Variants in LHFPL3 observed in about 807,000 individuals in gnomAD.
LHFPL3 encodes LHFPL tetraspan subfamily member 3.
Under a neutral mutation model 19.3 loss-of-function variants are expected in LHFPL3, and 5 were observed. The observed-to-expected ratio is 0.26, with a 90% CI of 0.14 to 0.54. The LOEUF (loss-of-function observed/expected upper bound fraction) is 0.54. LHFPL3 is among the 20% of genes least tolerant of loss of function. The pLI is 0.94. For missense variants in LHFPL3, 249 were observed against 307.4 expected, an observed-to-expected ratio of 0.81 and a Z score of 1.42; for synonymous variants, 133 against 126.2, an observed-to-expected ratio of 1.05 and a Z score of -0.36.
At chr7:104,691,513 C>A (rs1440600921) in intron 1 of LHFPL3, among the ~76,000 whole-genome samples, 1 of 152,222 alleles carries the variant, frequency 6.6e-6, no homozygotes, top group Admixed American at 6.5e-5. Context: ...GGGAAATCTT[C>A]CCAGTGGGCA....
At chr7:104,468,894 C>T (rs1170024526) in intron 1 of LHFPL3, among the ~76,000 whole-genome samples, 2 of 152,054 alleles carry the variant, frequency 1.3e-5, no homozygotes, top group Non-Finnish European at 2.9e-5. Flanking sequence ...CTCCTGACCT[C>T]ATGATCCGCC....
At chr7:104,762,408 G>A (rs1794389219) in intron 2 of LHFPL3, among the ~76,000 whole-genome samples, 2 of 152,184 alleles carry the variant, frequency 1.3e-5, no homozygotes, top group South Asian at 2.1e-4. Context: ...AGATAGCTGT[G>A]CAGGCAGGCA....
At chr7:104,476,343 G>T (rs1169313376) in intron 1 of LHFPL3, among the ~76,000 whole-genome samples, 2 of 152,124 alleles carry the variant, frequency 1.3e-5, no homozygotes, top group African/African-American at 4.8e-5. Context: ...CTTGACTGTT[G>T]TTGCCTCTTC....
chr7:104,577,497 T>G (rs898405016), intron 1 of LHFPL3, among the ~76,000 whole-genome samples: 1 of 152,166 alleles, frequency 6.6e-6, no homozygotes, highest in African/African-American at 2.4e-5. Context: ...TATATATATG[T>G]GTGTACAAGT....
chr7:104,328,721 T>A lies in LHFPL3; in HGVS notation c.-59T>A, dbSNP rs1375144904. 6 of 1,458,924 alleles carry A rather than the reference T, an allele frequency of 4.1e-6. No homozygotes were observed. Among genetic ancestry groups the A allele is most frequent in the Non-Finnish European group, 5.6e-6 (6 of 1,080,988 alleles). The allele number at this position is 1,458,924 out of a possible 1,614,324, so 90.4% of individuals were successfully genotyped here. ...CTCCGTGAGTGTGTCTCCTGCGCGC[T>A]GAGAGGCGGGGGGAGGCGGAGGACC... On this transcript the variant is annotated 5_prime_UTR_variant, in exon 1 of 3. Transcript: ENST00000424859. The surrounding 1 kb of genome is among the most constrained non-coding windows in gnomAD (Gnocchi z 4.6).
intron 1 of LHFPL3, among the ~76,000 whole-genome samples, chr7:104,640,949 G>A (rs762349123): frequency 1.3e-5 from 2 of 152,164 alleles, no homozygotes; most frequent in African/African-American, 2.4e-5. Context: ...ATTTTGAAAC[G>A]TATTACATGA....
chr7:104,536,069 G>A (rs989566372), intron 1 of LHFPL3, among the ~76,000 whole-genome samples: 2 of 152,208 alleles, frequency 1.3e-5, no homozygotes, highest in Non-Finnish European at 2.9e-5. Context: ...ACCTGCATCT[G>A]TAGCTGTAGC....
chr7:104,410,563 G>C (rs1022100126), intron 1 of LHFPL3, among the ~76,000 whole-genome samples: 6 of 152,170 alleles, frequency 3.9e-5, no homozygotes, highest in Non-Finnish European at 7.3e-5. Context: ...GTGTCTGTTA[G>C]TGATTAAAGG....
chr7:104,659,346 A>G (rs1409685124), intron 1 of LHFPL3, among the ~76,000 whole-genome samples: 1 of 152,206 alleles, frequency 6.6e-6, no homozygotes. Context: ...CCTGGAATTT[A>G]GGAGGTTCCT....
At chr7:104,463,946 G>A (rs1363146293) in intron 1 of LHFPL3, among the ~76,000 whole-genome samples, 2 of 152,102 alleles carry the variant, frequency 1.3e-5, no homozygotes, top group Non-Finnish European at 2.9e-5. Context: ...ACTCATTCCA[G>A]CATTAACTCA....
intron 1 of LHFPL3, among the ~76,000 whole-genome samples, chr7:104,359,501 C>G (rs570884211): frequency 6.6e-6 from 1 of 152,306 alleles, no homozygotes; most frequent in South Asian, 2.1e-4. Context: ...TGTAAAAAAA[C>G]TAAGTTTAAT....
intron 1 of LHFPL3, among the ~76,000 whole-genome samples, chr7:104,397,727 A>G (rs982233915): frequency 1.3e-5 from 2 of 152,232 alleles, no homozygotes; most frequent in Non-Finnish European, 2.9e-5. Context: ...AGGCAGAAGG[A>G]AGGGGTGTGA....
chr7:104,827,796 TG>T (rs1186214528), intron 2 of LHFPL3, among the ~76,000 whole-genome samples: 2 of 151,900 alleles, frequency 1.3e-5, no homozygotes, highest in African/African-American at 4.9e-5. Context: ...TGGAGATGCT[TG>T]GTTCATCTCA....
At chr7:104,547,986 A>C (rs1470775315) in intron 1 of LHFPL3, among the ~76,000 whole-genome samples, 1 of 152,190 alleles carries the variant, frequency 6.6e-6, no homozygotes, top group Non-Finnish European at 1.5e-5. Flanking sequence ...TCTGGGAGGA[A>C]GTGGTACAAT....
intron 2 of LHFPL3, among the ~76,000 whole-genome samples, chr7:104,840,474 C>CTTTTTTTTTTTTT (rs71155530): frequency 3.0e-5 from 2 of 65,580 alleles, no homozygotes; most frequent in Non-Finnish European, 5.4e-5. Flanking sequence ...TTTTCTTTTC[C>CTTTTTTTTTTTTT]TTTTTTTTTT....
At position 104,906,375 on chromosome 7, in the gene LHFPL3, T is replaced by C. The variant is rs192129150; in HGVS notation, c.*160T>C. 43 of 808,350 alleles carry C rather than the reference T, an allele frequency of 5.3e-5. No homozygotes were observed. The highest frequency in any genetic ancestry group is 1.1e-4 in the Admixed American group (4 of 37,462). The allele number at this position is 808,350 out of a possible 1,614,324, so 50.1% of individuals were successfully genotyped here. ...ATGGAACATTCACTTGTCAACGCAC[T>C]TTCTAAATCTAGATCAGCAGAGATG... On this transcript the variant is annotated 3_prime_UTR_variant, in exon 3 of 3. Coordinates refer to ENST00000424859, the MANE Select transcript of LHFPL3 (RefSeq NM_199000.3).
intron 1 of LHFPL3, among the ~76,000 whole-genome samples, chr7:104,470,594 C>G (rs1482423751): frequency 6.6e-6 from 1 of 152,176 alleles, no homozygotes; most frequent in African/African-American, 2.4e-5. Context: ...TATTAACTCA[C>G]TGATTCTAAT....
At chr7:104,603,182 TCTTC>T (rs1368990770) in intron 1 of LHFPL3, among the ~76,000 whole-genome samples, 3 of 110,004 alleles carry the variant, frequency 2.7e-5, no homozygotes, top group African/African-American at 9.0e-5. Flanking sequence ...TTTCTTTCTT[TCTTC>T]CTTTCTTTCT....
intron 2 of LHFPL3, among the ~76,000 whole-genome samples, chr7:104,863,426 T>C (rs1187431077): frequency 6.6e-6 from 1 of 152,216 alleles, no homozygotes; most frequent in South Asian, 2.1e-4. Flanking sequence ...TTTTTTCCCA[T>C]GTCATTTGTC....
Sources: gnomAD v4.1 joint callset for allele counts (sites outside exome capture counted in the v4.1 genomes callset) on GRCh38, gnomAD v4.1.1 for gene constraint, Gnocchi (gnomAD v3.1) non-coding constraint, MANE v1.5 for transcripts, NCBI Gene and HGNC (gene_info 2026-07-23, HGNC 2026-07-21) for gene names.